ATP12A: variants seen among roughly 807,000 people sequenced by gnomAD.
ATP12A encodes ATPase H+/K+ transporting non-gastric alpha2 subunit.
In ATP12A, 81 loss-of-function variants were observed where a neutral mutation model predicts 111.2. The observed-to-expected ratio is 0.73, with a 90% confidence interval of 0.61 to 0.88. The LOEUF is 0.88. Ranked by LOEUF, ATP12A falls within the 40% of genes least tolerant of loss-of-function variation. The pLI, the probability that ATP12A is intolerant of heterozygous loss-of-function variation, is 0.00. For synonymous variants in ATP12A, 498 were observed against 499.8 expected (o/e 1.00, Z 0.05); for missense variants, 1,196 against 1,313.1 (o/e 0.91, Z 1.38).
At position 24,698,781 on chromosome 13, in the gene ATP12A, G is replaced by T; in HGVS notation, c.1636G>T (p.Asp546Tyr). Residue 546 changes from aspartate to tyrosine, a missense_variant, in exon 12 of 23, where the codon GAC (aspartate) becomes TAC (tyrosine). Coordinates refer to ENST00000381946, the MANE Select transcript of ATP12A (RefSeq NM_001676.7). Reference protein sequence around the residue: ...IMINGEEHPLDKSTAKTFHTA... With the variant: ...IMINGEEHPLYKSTAKTFHTA... The stretch of plus-strand genomic sequence containing the variant: ...GATCAACGGCGAGGAGCACCCACTG[G>T]ACAAGAGCACTGCCAAGACCTTCCA... 1 of 1,614,088 alleles carries T rather than the reference G, an allele frequency of 6.2e-7. No homozygotes were observed. The highest frequency in any genetic ancestry group is 8.5e-7 in the Non-Finnish European group (1 of 1,180,036).
At chr13:24,693,153 A>G (rs1874985183) in intron 10 of ATP12A, among the ~76,000 whole-genome samples, 1 of 152,340 alleles carries the variant, frequency 6.6e-6, no homozygotes, top group Admixed American at 6.5e-5. Flanking sequence ...CTTCTAAGTT[A>G]CTTTCCTGAC....
intron 17 of ATP12A, 31 bp from the exon 18 acceptor site, chr13:24,709,333 G>C (rs1875852082): frequency 1.3e-6 from 2 of 1,587,680 alleles, no homozygotes; most frequent in African/African-American, 2.7e-5. Flanking sequence ...AACATCCTGG[G>C]GTTAGACCTC....
chr13:24,691,085 T>C lies in ATP12A; in HGVS notation c.903T>C (p.Ile301=). 6.2e-7 allele frequency: 1 copy of C among 1,614,242 alleles called. No homozygotes were observed. The highest frequency in any genetic ancestry group is 1.1e-5 in the South Asian group (1 of 91,082). ...GAAATGAGAAGACGCCCATTGCCAT[T>C]GAGATCGAGCACTTTGTTCACATTG... ...GVGNEKTPIA[I]EIEHFVHIVA... The change falls in exon 8 of 23, where the codon ATT becomes ATC. Residue 301 remains isoleucine (I), a synonymous_variant. Transcript: ENST00000381946.
intron 2 of ATP12A, among the ~76,000 whole-genome samples, chr13:24,682,149 G>A (rs1274684271): frequency 3.3e-5 from 4 of 120,054 alleles, no homozygotes; most frequent in Non-Finnish European, 7.1e-5. Context: ...TATGTGTGTG[G>A]TGTGTGTGTG....
At chr13:24,710,334 G>C (rs1875906734) in intron 19 of ATP12A, 126 bp from the exon 20 acceptor site, 1 of 1,158,654 alleles carries the variant, frequency 8.6e-7, no homozygotes, top group Admixed American at 2.6e-5. Flanking sequence ...CCAAACACTA[G>C]AAGGTGGTCC....
chr13:24,694,637 C>T lies in ATP12A; in HGVS notation c.1512+59C>T, dbSNP rs560436411. The T allele has an allele frequency of 6.8e-6, 11 of 1,607,396 alleles. No individual in the cohort carries two copies. In the Admixed American group the frequency reaches 1.5e-4, roughly 22 times the overall value. On this transcript the variant is annotated intron_variant, in intron 11 of 22. Transcript: ENST00000381946. ...ATCGGCAGCATGACCTTTCTACTTG[C>T]ATGCATCCTTTGCTTACCTCATATT...
In ATP12A at chr13:24,690,399, G is replaced by C. The variant is rs1257375281; in HGVS notation, c.608G>C (p.Gly203Ala). 6.2e-7 allele frequency: 1 copy of C among 1,613,434 alleles called. No individual in the cohort carries two copies. The highest frequency in any genetic ancestry group is 8.5e-7 in the Non-Finnish European group (1 of 1,179,910). The change falls in exon 6 of 23, where the codon GGG (glycine) becomes GCG (alanine). Residue 203 changes from glycine (G) to alanine (A), a missense_variant. Gly to Ala is a moderately conservative substitution (Grantham distance 60). Coordinates refer to ENST00000381946, the MANE Select transcript of ATP12A (RefSeq NM_001676.7). The part of the protein sequence containing the change: ...KTIPSEQLVV[G>A]DIVEVKGGDQ... Reference sequence around the variant, plus strand: ...ATCCCTTCAGAGCAGCTGGTGGTGGGGGACATTGTGGAGGTCAAAGGAGGA... The same window carrying C: ...ATCCCTTCAGAGCAGCTGGTGGTGGCGGACATTGTGGAGGTCAAAGGAGGA...
intron 10 of ATP12A, 116 bp downstream of exon 10, chr13:24,693,012 C>A: frequency 1.1e-6 from 1 of 944,312 alleles, no homozygotes; most frequent in Non-Finnish European, 1.6e-6. Context: ...TCAGTGCTTG[C>A]AAGAGCAAGT....
In ATP12A at chr13:24,707,263, A is replaced by T; in HGVS notation, c.2339-16A>T. On this transcript the variant is annotated splice_polypyrimidine_tract_variant and intron_variant, in intron 16 of 22. Transcript: ENST00000381946. Reference sequence around the variant, plus strand: ...GGACTAGAAGTAAGTTCTGAAGGAGAAACCTCTCTGCCTAGGTCGCCTGAT... The same window carrying T: ...GGACTAGAAGTAAGTTCTGAAGGAGTAACCTCTCTGCCTAGGTCGCCTGAT... The T allele has an allele frequency of 6.2e-7, 1 of 1,614,132 alleles. No homozygotes were observed. The highest frequency in any genetic ancestry group is 8.5e-7 in the Non-Finnish European group (1 of 1,180,004).
chr13:24,694,702 C>T, intron 11 of ATP12A, 124 bp downstream of exon 11: 1 of 1,459,986 alleles, frequency 6.8e-7, no homozygotes, highest in South Asian at 1.2e-5. Context: ...GTCAGGGATA[C>T]AGCACCCAGG....
intron 17 of ATP12A, 108 bp from the exon 18 acceptor site, chr13:24,709,256 G>GACCCC: frequency 3.4e-6 from 2 of 584,596 alleles, no homozygotes; most frequent in Admixed American, 3.3e-5. Flanking sequence ...CCAGCTCCAT[G>GACCCC]CCCCCCACCC....
At position 24,712,462 on chromosome 13, in the gene ATP12A, T is replaced by G. The variant is rs548759403; in HGVS notation, c.*940T>G. On this transcript the variant is annotated 3_prime_UTR_variant, in exon 23 of 23. Coordinates refer to ENST00000381946, the MANE Select transcript of ATP12A (RefSeq NM_001676.7). ...GCCTCATTTTTAACTAAAAGATGTT[T>G]TATAAACCCAGGTTTAATTGTGGTG... 1 of 152,240 alleles carries G rather than the reference T, an allele frequency of 6.6e-6. No individual in the cohort carries two copies. The highest frequency in any genetic ancestry group is 1.5e-5 in the Non-Finnish European group (1 of 68,046). 9.4% of individuals were successfully genotyped at this position (152,240 alleles called of 1,614,324 possible).
At position 24,688,242 on chromosome 13, in the gene ATP12A, G is replaced by C. The variant is rs189419654; in HGVS notation, c.229-77G>C. ...TCACCCCAAGCTGCAAAAATATGCA[G>C]CCCAACCCCTGAGGGAGGAGGAATG... On this transcript the variant is annotated intron_variant, in intron 3 of 22. Coordinates refer to ENST00000381946, the MANE Select transcript of ATP12A (RefSeq NM_001676.7). The C allele has an allele frequency of 1.3e-4, 195 of 1,494,594 alleles. 1 individual carries two copies. The African/African-American group carries it at 2.3e-3, about 18-fold the overall frequency. 92.6% of individuals were successfully genotyped at this position (1,494,594 alleles called of 1,614,324 possible).
At chr13:24,681,807 A>T in intron 2 of ATP12A, 87 bp downstream of exon 2, 3 of 1,510,750 alleles carry the variant, frequency 2.0e-6, no homozygotes, top group Non-Finnish European at 2.7e-6. Flanking sequence ...TACCACAGAC[A>T]TTCAGTCTGA....
At position 24,692,910 on chromosome 13, in the gene ATP12A, A is replaced by G. The variant is rs1252948919; in HGVS notation, c.1377+14A>G. On this transcript the variant is annotated intron_variant, in intron 10 of 22. Coordinates refer to ENST00000381946, the MANE Select transcript of ATP12A (RefSeq NM_001676.7). ...CCCATCATGAAGGTAATGCTTCTGC[A>G]GCACTTGGTCTTAAATCACAGCCAG... 6 of 1,608,664 alleles carry G rather than the reference A, an allele frequency of 3.7e-6. 1 individual carries two copies. Among genetic ancestry groups the G allele is most frequent in the Admixed American group, 3.3e-5 (2 of 59,986 alleles).
chr13:24,693,044 A>G, intron 10 of ATP12A, 148 bp downstream of exon 10: 1 of 685,680 alleles, frequency 1.5e-6, no homozygotes, highest in Non-Finnish European at 2.4e-6. Flanking sequence ...GACATCCAGA[A>G]ATTTTTCTTT....
Position 24,688,437 on chromosome 13 carries a change from C to G in ATP12A, c.347C>G (p.Ser116Cys), listed in dbSNP as rs1236838340. 8 of 1,614,028 alleles carry G rather than the reference C, an allele frequency of 5.0e-6. No individual in the cohort carries two copies. The highest frequency in any genetic ancestry group is 6.8e-6 in the Non-Finnish European group (8 of 1,180,024). ...KFLKQMVGGF[S>C]ILLWVGAFLC... ...CTCAAGCAGATGGTGGGGGGGTTCT[C>G]TATCCTCCTGTGGGTGGGCGCCTTT... The change falls in exon 4 of 23, where the codon TCT becomes TGT. Residue 116 changes from serine (S) to cysteine (C), a missense_variant. Ser to Cys is a moderately radical substitution (Grantham distance 112). This residue lies in a region of ATP12A where 1,126 missense variants were observed against 1,228.5 expected (regional missense o/e 0.92). Transcript: ENST00000381946.
intron 17 of ATP12A, among the ~76,000 whole-genome samples, chr13:24,708,906 A>AAAG (rs977640053): frequency 8.8e-5 from 8 of 91,066 alleles, no homozygotes; most frequent in Admixed American, 6.4e-4. Flanking sequence ...GAAAGGAAAG[A>AAAG]AAGAAAGAAA....
intron 12 of ATP12A, among the ~76,000 whole-genome samples, chr13:24,700,459 C>T (rs1875343854): frequency 6.6e-6 from 1 of 152,176 alleles, no homozygotes; most frequent in Admixed American, 6.5e-5. Flanking sequence ...AACTCTGTGC[C>T]CCGCTAAACT....
Sources: gnomAD v4.1 joint callset for allele counts (sites outside exome capture counted in the v4.1 genomes callset) on GRCh38, gnomAD v4.1.1 for gene constraint, gnomAD v4.1.1 regional missense constraint, MANE v1.5 for transcripts, NCBI Gene and HGNC (gene_info 2026-07-23, HGNC 2026-07-21) for gene names.